ARHGAP18: variants seen among roughly 807,000 people sequenced by gnomAD.
The protein encoded by ARHGAP18 is rho GTPase-activating protein 18.
ARHGAP18 carries 67 observed loss-of-function variants against 86.2 expected under a neutral mutation model. That is an observed-to-expected ratio of 0.78 (90% CI 0.64 to 0.95). The LOEUF is 0.95. Among genes scored for constraint, ARHGAP18 ranks in the 40% least tolerant of loss-of-function variants. The pLI is 0.00. For synonymous variants in ARHGAP18, 283 were observed against 280.4 expected (o/e 1.01, Z -0.09); for missense variants, 691 against 780.4 (o/e 0.89, Z 1.37).
At chr6:129,617,870 T>C (rs1358459943) in intron 6 of ARHGAP18, among the ~76,000 whole-genome samples, 1 of 152,168 alleles carries the variant, frequency 6.6e-6, no homozygotes, top group African/African-American at 2.4e-5. Context: ...AATACTTGTC[T>C]TTGTGAATGT....
intron 7 of ARHGAP18, among the ~76,000 whole-genome samples, chr6:129,613,844 G>GTTT (rs112793504): frequency 0.14 from 21,175 of 152,018 alleles, 1,565 homozygotes; most frequent in Middle Eastern, 0.18. Flanking sequence ...TAATGATGCT[G>GTTT]TTACTAATGT....
chr6:129,585,611 A>G (rs546687363), intron 12 of ARHGAP18, among the ~76,000 whole-genome samples: 2 of 152,214 alleles, frequency 1.3e-5, no homozygotes, highest in Non-Finnish European at 2.9e-5. Context: ...ATCCTGCTGC[A>G]GAGTGGGTGG....
chr6:129,631,837 A>G (rs1773225214), intron 4 of ARHGAP18, among the ~76,000 whole-genome samples: 1 of 152,078 alleles, frequency 6.6e-6, no homozygotes, highest in African/African-American at 2.4e-5. Flanking sequence ...TCAATATAAA[A>G]GTTTAAAAAA....
At chr6:129,685,351 G>T (rs1248817870) in intron 1 of ARHGAP18, among the ~76,000 whole-genome samples, 1 of 150,304 alleles carries the variant, frequency 6.7e-6, no homozygotes. Context: ...TACTAAAAAT[G>T]CAAAAATTAG....
At chr6:129,707,406 A>C (rs11154495) in intron 1 of ARHGAP18, among the ~76,000 whole-genome samples, 105,045 of 151,994 alleles carry the variant, frequency 0.69, 36,511 homozygotes, top group South Asian at 0.75. Flanking sequence ...CTTCCGTGCT[A>C]TCTTCTATAA....
chr6:129,696,332 C>G (rs1445805541), intron 1 of ARHGAP18, among the ~76,000 whole-genome samples: 1 of 152,198 alleles, frequency 6.6e-6, no homozygotes, highest in African/African-American at 2.4e-5. Flanking sequence ...TAACATTTCA[C>G]AAGAACTTCC....
intron 13 of ARHGAP18, among the ~76,000 whole-genome samples, chr6:129,583,517 C>T (rs942071817): frequency 6.6e-6 from 1 of 152,150 alleles, no homozygotes; most frequent in African/African-American, 2.4e-5. Context: ...CCTGGTTTTC[C>T]TCTTTCAATT....
chr6:129,600,729 C>G lies in ARHGAP18; in HGVS notation c.1485G>C (p.Lys495Asn). ...TTACAAATTCTCGCTGTTCACTGGA[C>G]TTCAATCCCAATGCATGACACATAA... ...NLFMCHALGLKSSEQREFVMA... is the reference protein window; with the variant it reads ...NLFMCHALGLNSSEQREFVMA... Residue 495 changes from lysine to asparagine, a missense_variant, in exon 11 of 15, where the codon AAG becomes AAC. Physicochemically the swap from Lys to Asn is moderately conservative, Grantham distance 94. Coordinates refer to ENST00000368149, the MANE Select transcript of ARHGAP18 (RefSeq NM_033515.3). The G allele has an allele frequency of 1.2e-6, 2 of 1,613,800 alleles. No individual in the cohort carries two copies. Among genetic ancestry groups the G allele is most frequent in the Non-Finnish European group, 1.7e-6 (2 of 1,179,814 alleles).
intron 1 of ARHGAP18, among the ~76,000 whole-genome samples, chr6:129,654,164 G>A (rs1032509868): frequency 1.3e-5 from 2 of 152,158 alleles, no homozygotes; most frequent in Non-Finnish European, 2.9e-5. Context: ...TATGAGGGAC[G>A]GACAAAGGTT....
At position 129,580,069 on chromosome 6, in the gene ARHGAP18, C is replaced by T; in HGVS notation, c.1900+1G>A. On this transcript the variant is annotated splice_donor_variant, in intron 14 of 14. Coordinates refer to ENST00000368149, the MANE Select transcript of ARHGAP18 (RefSeq NM_033515.3). LOFTEE classifies it high-confidence loss of function. ...ATGTAAAGAGAAAAAAAAGTGCTTA[C>T]CAATATTTCCTCCAATTTCATACAA... is the stretch of plus-strand genomic sequence containing the variant. 1.2e-6 allele frequency: 2 copies of T among 1,611,706 alleles called. No individual in the cohort carries two copies. Among genetic ancestry groups the T allele is most frequent in the East Asian group, 2.2e-5 (1 of 44,764 alleles).
chr6:129,601,942 T>A (rs543271550), intron 10 of ARHGAP18, among the ~76,000 whole-genome samples: 46 of 152,186 alleles, frequency 3.0e-4, no homozygotes, highest in African/African-American at 1.0e-3. Context: ...GAATTTTTTT[T>A]AAAATGAATG....
chr6:129,647,790 T>G (rs1020991344), intron 1 of ARHGAP18, among the ~76,000 whole-genome samples: 2 of 152,184 alleles, frequency 1.3e-5, no homozygotes, highest in African/African-American at 2.4e-5. Context: ...ATTAGAATGC[T>G]ATTGCACCTC....
At chr6:129,598,240 T>G (rs974394458) in intron 12 of ARHGAP18, among the ~76,000 whole-genome samples, 6 of 152,212 alleles carry the variant, frequency 3.9e-5, no homozygotes, top group African/African-American at 7.2e-5. Context: ...CAACTTCTCT[T>G]TATGTTTTTA....
At chr6:129,624,564 G>A (rs916514895) in intron 5 of ARHGAP18, among the ~76,000 whole-genome samples, 2 of 151,920 alleles carry the variant, frequency 1.3e-5, no homozygotes, top group South Asian at 4.2e-4. Context: ...TTTTCCTGAG[G>A]ATAGTCTGGC....
chr6:129,702,931 C>T (rs1186039240), intron 1 of ARHGAP18, among the ~76,000 whole-genome samples: 2 of 151,874 alleles, frequency 1.3e-5, no homozygotes, highest in Admixed American at 6.6e-5. Context: ...ACCCAGGAGA[C>T]AGAAATTGCA....
At chr6:129,584,192 T>A in intron 12 of ARHGAP18, 80 bp from the exon 13 acceptor site, 3 of 1,555,392 alleles carry the variant, frequency 1.9e-6, no homozygotes, top group Non-Finnish European at 1.7e-6. Context: ...ATAGTAAGTG[T>A]GCTTAACTAC....
At chr6:129,678,943 T>C (rs953665281) in intron 1 of ARHGAP18, among the ~76,000 whole-genome samples, 2 of 152,216 alleles carry the variant, frequency 1.3e-5, no homozygotes, top group South Asian at 2.1e-4. Flanking sequence ...TTTCAGATGA[T>C]AGGAAATGTT....
chr6:129,656,328 C>T (rs1773835826), intron 1 of ARHGAP18, among the ~76,000 whole-genome samples: 1 of 152,126 alleles, frequency 6.6e-6, no homozygotes. Flanking sequence ...GGACAAGATG[C>T]CAAAAAGTGC....
intron 13 of ARHGAP18, among the ~76,000 whole-genome samples, chr6:129,580,889 AAAG>A: frequency 6.6e-6 from 1 of 152,284 alleles, no homozygotes; most frequent in Admixed American, 6.5e-5. Context: ...AAGAAAAAAA[AAAG>A]AATAAGCCAT....
Sources: gnomAD v4.1 joint callset for allele counts (sites outside exome capture counted in the v4.1 genomes callset) on GRCh38, gnomAD v4.1.1 for gene constraint, MANE v1.5 for transcripts, NCBI Gene and HGNC (gene_info 2026-07-23, HGNC 2026-07-21) for gene names.